Variants in MTIF2 observed in about 807,000 individuals in gnomAD.
MTIF2 encodes translation initiation factor IF-2, mitochondrial.
In MTIF2, 71 loss-of-function variants were observed where a neutral mutation model predicts 83.5. The observed-to-expected ratio is 0.85, with a 90% CI of 0.70 to 1.04. The LOEUF is 1.04. Ranked by LOEUF, MTIF2 falls within the 50% of genes least tolerant of loss-of-function variation. The pLI is 0.00. For missense variants in MTIF2, 957 were observed against 846.5 expected (o/e 1.13, Z -1.62); for synonymous variants, 319 against 287.1 (o/e 1.11, Z -1.12).
intron 10 of MTIF2, 53 bp from the exon 11 acceptor site, chr2:55,244,286 G>C: frequency 7.7e-7 from 1 of 1,293,082 alleles, no homozygotes; most frequent in Non-Finnish European, 1.1e-6. Context: ...TTTAAGTAGA[G>C]CAAAGATATC....
intron 15 of MTIF2, 136 bp downstream of exon 15, chr2:55,237,152 A>T: frequency 9.9e-7 from 1 of 1,009,550 alleles, no homozygotes; most frequent in Non-Finnish European, 1.4e-6. Flanking sequence ...CAGACAATTT[A>T]GGGGTTTCAA....
intron 14 of MTIF2, among the ~76,000 whole-genome samples, chr2:55,238,159 T>C (rs372366352): frequency 1.3e-5 from 2 of 150,930 alleles, no homozygotes; most frequent in Non-Finnish European, 1.5e-5. Flanking sequence ...TTCTTCTAGA[T>C]AGCTAAGACT....
chr2:55,261,940 C>CAAA (rs1558580349), intron 5 of MTIF2, among the ~76,000 whole-genome samples: 2 of 102,446 alleles, frequency 2.0e-5, no homozygotes, highest in African/African-American at 8.6e-5. Flanking sequence ...AAAAAAAAAA[C>CAAA]CAAAAAAAAA....
In MTIF2 at chr2:55,236,823, TAAAA is replaced by T; in HGVS notation, c.2012-7_2012-4del. The T allele has an allele frequency of 1.3e-6, 2 of 1,572,124 alleles. No individual in the cohort carries two copies. Among genetic ancestry groups the T allele is most frequent in the East Asian group, 2.3e-5 (1 of 44,038 alleles). On this transcript the variant is annotated splice_polypyrimidine_tract_variant and splice_region_variant and intron_variant, in intron 15 of 15. Coordinates refer to ENST00000263629, the MANE Select transcript of MTIF2 (RefSeq NM_002453.3). Reference sequence around the variant, plus strand: ...GTGTTTCAATGAGGTTAATGAGCCTTAAAAAAGATAATTTAAGGTTAGTATATTC... The same window carrying T: ...GTGTTTCAATGAGGTTAATGAGCCTTAAGATAATTTAAGGTTAGTATATTC...
At chr2:55,241,757 C>T (rs1023986318) in intron 13 of MTIF2, among the ~76,000 whole-genome samples, 1 of 151,890 alleles carries the variant, frequency 6.6e-6, no homozygotes, top group African/African-American at 2.4e-5. Context: ...GCAGGAGAAT[C>T]GCTTGAACCC....
chr2:55,250,450 A>C (rs2104377663), intron 8 of MTIF2, among the ~76,000 whole-genome samples: 1 of 152,150 alleles, frequency 6.6e-6, no homozygotes. Flanking sequence ...GAAGATTCCA[A>C]TTCAATACTG....
Position 55,237,403 on chromosome 2 carries a change from G to C in MTIF2, c.1896C>G (p.Phe632Leu). 1.2e-6 allele frequency: 2 copies of C among 1,612,616 alleles called. No homozygotes were observed. Among genetic ancestry groups the C allele is most frequent in the Non-Finnish European group, 1.7e-6 (2 of 1,179,856 alleles). Residue 632 changes from phenylalanine to leucine, a missense_variant, in exon 15 of 16, where the codon TTC (phenylalanine) becomes TTG (leucine). Phe to Leu is a conservative substitution (Grantham distance 22, BLOSUM62 0). This residue lies in a region of MTIF2 where 221 missense variants were observed against 180.6 expected (regional missense o/e 1.22). Transcript: ENST00000263629. The stretch of plus-strand genomic sequence containing the variant: ...CTTTTTTCTTCCCTTCTGTTACAGA[G>C]AAGGTAGCTAGTATAGATGCCTCAC... ...PVGEASILAT[F>L]SVTEGKKKVP... is the part of the protein sequence containing the mutation.
In MTIF2 at chr2:55,236,605, C is replaced by G; in HGVS notation, c.*43G>C. ...GCCAGTAGTAGTGCATTTCTACCTT[C>G]AAACAAACAACACGTTGAGTTATTT... On this transcript the variant is annotated 3_prime_UTR_variant, in exon 16 of 16. Transcript: ENST00000263629. 1 of 1,520,112 alleles carries G rather than the reference C, an allele frequency of 6.6e-7. No homozygotes were observed. 94.2% of individuals were successfully genotyped at this position (1,520,112 alleles called of 1,614,324 possible).
intron 15 of MTIF2, among the ~76,000 whole-genome samples, 175 bp downstream of exon 15, chr2:55,237,113 C>A (rs1326564669): frequency 6.6e-6 from 1 of 152,108 alleles, no homozygotes; most frequent in Non-Finnish European, 1.5e-5. Flanking sequence ...AACCAACATA[C>A]ATCTCAGGCA....
Position 55,240,014 on chromosome 2 carries a change from C to T in MTIF2, c.1867G>A (p.Val623Ile), listed in dbSNP as rs1573850841. 2.5e-6 allele frequency: 4 copies of T among 1,607,484 alleles called. No individual in the cohort carries two copies. The Admixed American group carries it at 5.0e-5, about 20-fold the overall frequency. ...GTAACATTCAGTGATCACTCACCTACTGGGTGCTCTTCCACAGCACAGGGT... is the reference window on the plus strand; with the variant it reads ...GTAACATTCAGTGATCACTCACCTATTGGGTGCTCTTCCACAGCACAGGGT... ...RLPCAVEEHP[V>I]GEASILATFS... Residue 623 changes from valine (V) to isoleucine (I), a missense_variant, in exon 14 of 16, where the codon GTA (valine) becomes ATA (isoleucine). Around this residue, in one of 3 missense-constraint regions of MTIF2, gnomAD observed 221 missense variants for 180.6 expected, o/e 1.22. Coordinates refer to ENST00000263629, the MANE Select transcript of MTIF2 (RefSeq NM_002453.3).
chr2:55,254,624 A>C (rs1573895351), intron 6 of MTIF2, 30 bp downstream of exon 6: 1 of 1,527,088 alleles, frequency 6.5e-7, no homozygotes, highest in East Asian at 2.4e-5. Context: ...TCTCCCCCAA[A>C]CCCTGCCAGT....
chr2:55,248,269 A>C (rs1243508265), intron 9 of MTIF2, among the ~76,000 whole-genome samples: 1 of 152,248 alleles, frequency 6.6e-6, no homozygotes, highest in Non-Finnish European at 1.5e-5. Context: ...GCAGAAGATA[A>C]CAAAGTAAGG....
chr2:55,264,546 T>G (rs1169588676), intron 3 of MTIF2, among the ~76,000 whole-genome samples: 1 of 152,134 alleles, frequency 6.6e-6, no homozygotes, highest in South Asian at 2.1e-4. Context: ...CTTTATTTCT[T>G]ACACTCTTAG....
At chr2:55,249,332 T>C (rs1676923404) in intron 9 of MTIF2, 63 bp downstream of exon 9, 1 of 1,568,492 alleles carries the variant, frequency 6.4e-7, no homozygotes, top group Non-Finnish European at 8.7e-7. Context: ...AGATGTAATA[T>C]ACTGTGTGCA....
chr2:55,268,768 T>C (rs1210295371), intron 1 of MTIF2, 29 bp from the exon 2 acceptor site: 1 of 152,210 alleles, frequency 6.6e-6, no homozygotes, highest in East Asian at 1.9e-4. Flanking sequence ...AAATACGTAG[T>C]TGCGTTAGGG....
rs903109506 is a variant in MTIF2 at position 55,246,225 on chromosome 2, A to T, written c.1106+112T>A. On this transcript the variant is annotated intron_variant, in intron 10 of 15. Coordinates refer to ENST00000263629, the MANE Select transcript of MTIF2 (RefSeq NM_002453.3). ...TACTTTTTAAAACAAATGCTTTGAA[A>T]ATATTGTTCATGAACTAACAATAAC... The T allele has an allele frequency of 3.3e-5, 40 of 1,222,306 alleles. No individual in the cohort carries two copies. In the African/African-American group the frequency reaches 5.4e-4, roughly 17 times the overall value. The allele number at this position is 1,222,306 out of a possible 1,614,324, so 75.7% of individuals were successfully genotyped here. A position where few individuals can be genotyped will look rare whatever the true frequency, so the allele number is the denominator to read the frequency against.
chr2:55,244,084 G>A lies in MTIF2; in HGVS notation c.1256C>T (p.Thr419Ile). 1 of 1,614,124 alleles carries A rather than the reference G, an allele frequency of 6.2e-7. No individual in the cohort carries two copies. ...TGCAGAAGGAAGGTCTCTCCAGCCTGTAATTCCCACTGGCATGCTGGGATA... is the reference window on the plus strand; with the variant it reads ...TGCAGAAGGAAGGTCTCTCCAGCCTATAATTCCCACTGGCATGCTGGGATA... Reference protein sequence around the residue: ...EAYPSMPVGITGWRDLPSAGE... With the variant: ...EAYPSMPVGIIGWRDLPSAGE... Residue 419 changes from threonine to isoleucine, a missense_variant, in exon 11 of 16, where the codon ACA becomes ATA. Thr to Ile is a moderately conservative substitution (Grantham distance 89). Around this residue, in one of 3 missense-constraint regions of MTIF2, gnomAD observed 733 missense variants for 648.7 expected, o/e 1.13. Transcript: ENST00000263629.
At position 55,237,302 on chromosome 2, in the gene MTIF2, T is replaced by A. The variant is rs141623661; in HGVS notation, c.1997A>T (p.His666Leu). 1 of 1,611,904 alleles carries A rather than the reference T, an allele frequency of 6.2e-7. No homozygotes were observed. Among genetic ancestry groups the A allele is most frequent in the Non-Finnish European group, 8.5e-7 (1 of 1,179,610 alleles). ...QKKFKLTRNG[H>L]VIWKGSLTSL... The stretch of plus-strand genomic sequence containing the variant: ...ATGTTGCTTACCCTTCCAAATTACA[T>A]GTCCATTACGGGTTAGTTTAAATTT... The change falls in exon 15 of 16, where the codon CAT becomes CTT. Residue 666 changes from histidine to leucine, a missense_variant. Transcript: ENST00000263629.
chr2:55,240,320 C>T, intron 13 of MTIF2, 145 bp from the exon 14 acceptor site: 1 of 724,384 alleles, frequency 1.4e-6, no homozygotes, highest in Non-Finnish European at 2.2e-6. Context: ...GTGGCTCACG[C>T]CTGTAATCCC....
Sources: gnomAD v4.1 joint callset for allele counts (sites outside exome capture counted in the v4.1 genomes callset) on GRCh38, gnomAD v4.1.1 for gene constraint, gnomAD v4.1.1 regional missense constraint, MANE v1.5 for transcripts, NCBI Gene and HGNC (gene_info 2026-07-23, HGNC 2026-07-21) for gene names.